Variants in CSMD1 observed in about 807,000 individuals in gnomAD.
CSMD1 encodes CUB and Sushi multiple domains 1, also known as CUB and sushi domain-containing protein 1.
CSMD1 carries 213 observed loss-of-function variants against 417.5 expected under a neutral mutation model. That is an observed-to-expected ratio of 0.51 (90% CI 0.46 to 0.57). CSMD1 has a LOEUF of 0.57. Among genes scored for constraint, CSMD1 ranks in the 20% least tolerant of loss-of-function variants. The probability of loss-of-function intolerance (pLI) is 0.00; values close to 1 mark genes in which losing one functional copy is unlikely to be tolerated. For synonymous variants in CSMD1, 2,862 were observed against 1,736.8 expected (o/e 1.65, Z -16.11); for missense variants, 6,923 against 4,529.7 (o/e 1.53, Z -15.17).
chr8:3,012,034 T>C (rs1808428382), intron 52 of CSMD1, among the ~76,000 whole-genome samples: 1 of 152,208 alleles, frequency 6.6e-6, no homozygotes, highest in African/African-American at 2.4e-5. Flanking sequence ...GTACAGTTGG[T>C]AAATTAGAGC....
At chr8:4,842,212 G>A (rs113096544) in intron 1 of CSMD1, among the ~76,000 whole-genome samples, 2 of 152,190 alleles carry the variant, frequency 1.3e-5, no homozygotes, top group Non-Finnish European at 2.9e-5. Context: ...CAGGTGAATT[G>A]AGTGTGGGAA....
In CSMD1 at chr8:4,299,987, G is replaced by A. The variant is rs986567421; in HGVS notation, c.415+119966C>T. 4.6e-5 allele frequency among the ~76,000 whole-genome samples: 7 copies of A among 152,080 alleles called. No individual in the cohort carries two copies. In the East Asian group the frequency reaches 1.2e-3, roughly 25 times the overall value. ...GTTGATAATAGCTATTAGAATTTCT[G>A]TCCTTTGTAGAAAGCATAAATCTAC... On this transcript the variant is annotated intron_variant, in intron 3 of 69. Coordinates refer to ENST00000635120, the MANE Select transcript of CSMD1 (RefSeq NM_033225.6).
At chr8:4,323,476 G>GA (rs1417283052) in intron 3 of CSMD1, among the ~76,000 whole-genome samples, 1 of 114,530 alleles carries the variant, frequency 8.7e-6, no homozygotes, top group Non-Finnish European at 1.8e-5. Context: ...TACATAATGG[G>GA]ACTAGGGCTT....
chr8:4,738,543 C>A (rs796912005), intron 1 of CSMD1, among the ~76,000 whole-genome samples: 8 of 152,194 alleles, frequency 5.3e-5, no homozygotes, highest in African/African-American at 1.7e-4. Flanking sequence ...ACTCCCATAA[C>A]AGGGGAACTA....
chr8:3,562,763 T>C (rs1361648632), intron 10 of CSMD1, among the ~76,000 whole-genome samples: 1 of 151,832 alleles, frequency 6.6e-6, no homozygotes, highest in Non-Finnish European at 1.5e-5. Flanking sequence ...ATACGGAGCC[T>C]ATTGGAGGGT....
At chr8:4,156,160 C>G (rs544703847) in intron 3 of CSMD1, among the ~76,000 whole-genome samples, 2 of 152,116 alleles carry the variant, frequency 1.3e-5, no homozygotes, top group African/African-American at 4.8e-5. Context: ...AGAGGCAATT[C>G]GTTGTGTGAG....
intron 12 of CSMD1, among the ~76,000 whole-genome samples, chr8:3,452,936 C>T (rs1815846026): frequency 1.3e-5 from 2 of 152,178 alleles, no homozygotes; most frequent in African/African-American, 4.8e-5. Context: ...GGCTGTGAAT[C>T]CATCCGTTTC....
chr8:3,675,959 C>G (rs990569231), intron 7 of CSMD1, among the ~76,000 whole-genome samples: 1 of 152,096 alleles, frequency 6.6e-6, no homozygotes. Context: ...TTTTCTCAGC[C>G]CAGGCCTGCC....
intron 12 of CSMD1, among the ~76,000 whole-genome samples, chr8:3,457,050 C>G (rs928045956): frequency 6.6e-6 from 1 of 151,626 alleles, no homozygotes; most frequent in African/African-American, 2.4e-5. Flanking sequence ...ACCCCTCATT[C>G]TGTACTCCTC....
chr8:4,663,350 TC>T (rs1169486694), intron 1 of CSMD1, among the ~76,000 whole-genome samples: 1 of 152,220 alleles, frequency 6.6e-6, no homozygotes, highest in African/African-American at 2.4e-5. Context: ...CTACGTAGAA[TC>T]TACAGGTATT....
At chr8:3,139,401 C>T (rs1818300439) in intron 41 of CSMD1, among the ~76,000 whole-genome samples, 1 of 152,096 alleles carries the variant, frequency 6.6e-6, no homozygotes, top group Non-Finnish European at 1.5e-5. Flanking sequence ...GATTTTCTGG[C>T]CCCTGAAGCC....
chr8:3,617,213 T>G (rs144878809), intron 7 of CSMD1, among the ~76,000 whole-genome samples: 1 of 152,182 alleles, frequency 6.6e-6, no homozygotes, highest in Non-Finnish European at 1.5e-5. Context: ...CTAACTTCTA[T>G]ACAAAAGATA....
chr8:3,892,406 A>C (rs1807036721), intron 5 of CSMD1, among the ~76,000 whole-genome samples: 2 of 152,260 alleles, frequency 1.3e-5, no homozygotes, highest in African/African-American at 4.8e-5. Context: ...CAGATCATCA[A>C]GGAGAACTTC....
chr8:3,483,900 G>C (rs1384570177), intron 11 of CSMD1, among the ~76,000 whole-genome samples: 4 of 152,136 alleles, frequency 2.6e-5, no homozygotes, highest in African/African-American at 2.4e-5. Context: ...TGATATATCA[G>C]CTAATGCCAA....
intron 3 of CSMD1, among the ~76,000 whole-genome samples, chr8:4,330,869 G>C (rs545600997): frequency 6.6e-6 from 1 of 152,066 alleles, no homozygotes; most frequent in Non-Finnish European, 1.5e-5. Context: ...AGCTCAGCAG[G>C]AATGTCAGTT....
chr8:4,101,916 T>G (rs182437991), intron 3 of CSMD1, among the ~76,000 whole-genome samples: 32 of 152,276 alleles, frequency 2.1e-4, no homozygotes, highest in Admixed American at 3.3e-4. Flanking sequence ...ATGTACAGCA[T>G]TTTCCCAGTG....
chr8:3,031,080 T>G (rs1041469590), intron 50 of CSMD1, among the ~76,000 whole-genome samples: 9 of 151,918 alleles, frequency 5.9e-5, no homozygotes, highest in African/African-American at 2.2e-4. Context: ...AAAAATAATA[T>G]TTTTCTCCAG....
intron 3 of CSMD1, among the ~76,000 whole-genome samples, chr8:4,081,845 C>G (rs972310445): frequency 4.6e-5 from 7 of 151,928 alleles, no homozygotes; most frequent in Non-Finnish European, 7.4e-5. Context: ...AAAGTTGAAA[C>G]CAAATAATTA....
At chr8:4,915,250 A>T (rs1805972469) in intron 1 of CSMD1, among the ~76,000 whole-genome samples, 1 of 152,174 alleles carries the variant, frequency 6.6e-6, no homozygotes, top group Non-Finnish European at 1.5e-5. Context: ...AACAAGAAAA[A>T]TCTAACACAA....
Sources: allele counts gnomAD v4.1 joint callset (sites outside exome capture counted in the v4.1 genomes callset), GRCh38; gene constraint gnomAD v4.1.1; transcripts MANE v1.5; gene names NCBI Gene and HGNC (gene_info 2026-07-23, HGNC 2026-07-21).